Variants in NPPC observed in about 807,000 individuals in gnomAD.
The protein encoded by NPPC is natriuretic peptide C.
NPPC carries 4 observed loss-of-function variants against 10.2 expected under a neutral mutation model. The ratio of observed to expected loss-of-function variants is 0.39; its 90% confidence interval spans 0.19 to 0.90. The LOEUF is 0.90. Among genes scored for constraint, NPPC ranks in the 40% least tolerant of loss-of-function variants. The pLI is 0.37. For synonymous variants in NPPC, 83 were observed against 87.3 expected (o/e 0.95, Z 0.27); for missense variants, 182 against 173.8 (o/e 1.05, Z -0.26).
intron 2 of NPPC, among the ~76,000 whole-genome samples, chr2:231,922,723 G>A (rs1438671961): frequency 2.0e-5 from 3 of 152,232 alleles, no homozygotes; most frequent in Non-Finnish European, 4.4e-5. Flanking sequence ...GGAAGGAGAA[G>A]AGAGACATCT....
intron 1 of NPPC, 125 bp downstream of exon 1, chr2:231,926,035 C>T (rs1444553683): frequency 1.3e-6 from 1 of 794,656 alleles, no homozygotes; most frequent in African/African-American, 1.8e-5. Context: ...CGGCTCTCGC[C>T]CACGCGCATC....
Position 231,921,983 on chromosome 2 carries a change from A to G in NPPC, c.*353T>C, listed in dbSNP as rs896765084. 8 of 151,866 alleles carry G rather than the reference A, an allele frequency of 5.3e-5. No individual in the cohort carries two copies. The highest frequency in any genetic ancestry group is 2.0e-4 in the Admixed American group (3 of 15,262). 9.4% of individuals were successfully genotyped at this position (151,866 alleles called of 1,614,324 possible). Reference sequence around the variant, plus strand: ...CAACATAAATACATTTATGCATGACATGAATTTACAAACAGCAATGTTTTA... The same window carrying G: ...CAACATAAATACATTTATGCATGACGTGAATTTACAAACAGCAATGTTTTA... On this transcript the variant is annotated 3_prime_UTR_variant, in exon 3 of 3. Coordinates refer to ENST00000409852, the MANE Select transcript of NPPC (RefSeq NM_024409.4).
At chr2:231,924,881 G>A (rs1022165430) in intron 2 of NPPC, among the ~76,000 whole-genome samples, 1 of 152,210 alleles carries the variant, frequency 6.6e-6, no homozygotes, top group Non-Finnish European at 1.5e-5. Flanking sequence ...CAGGACCCTG[G>A]ACAGACCAGT....
Position 231,922,229 on chromosome 2 carries a change from A to T in NPPC, c.*107T>A, listed in dbSNP as rs1465511976. Reference sequence around the variant, plus strand: ...AAAAAAGAAAGAAAGAAAGAAATGTAAAAGCCACATTGCGTTGGAGGTGTT... The same window carrying T: ...AAAAAAGAAAGAAAGAAAGAAATGTTAAAGCCACATTGCGTTGGAGGTGTT... On this transcript the variant is annotated 3_prime_UTR_variant, in exon 3 of 3. Coordinates refer to ENST00000409852, the MANE Select transcript of NPPC (RefSeq NM_024409.4). The T allele has an allele frequency of 1.3e-5, 2 of 152,198 alleles. No individual in the cohort carries two copies. Among genetic ancestry groups the T allele is most frequent in the Non-Finnish European group, 2.9e-5 (2 of 68,036 alleles). 9.4% of individuals were successfully genotyped at this position (152,198 alleles called of 1,614,324 possible).
rs1325053237 is a variant in NPPC, at chr2:231,921,932, CTT to C, written c.*402_*403del. The C allele has an allele frequency of 6.6e-6, 1 of 150,812 alleles. No individual in the cohort carries two copies. The highest frequency in any genetic ancestry group is 1.5e-5 in the Non-Finnish European group (1 of 67,870). 9.3% of individuals were successfully genotyped at this position (150,812 alleles called of 1,614,324 possible). On this transcript the variant is annotated 3_prime_UTR_variant, in exon 3 of 3. Coordinates refer to ENST00000409852, the MANE Select transcript of NPPC (RefSeq NM_024409.4). Reference sequence around the variant, plus strand: ...ATAAATAAAATTTTTATAAATATCTCTTTATAAACAATATAAATAGCTTTACA... The same window carrying C: ...ATAAATAAAATTTTTATAAATATCTCTATAAACAATATAAATAGCTTTACA...
chr2:231,926,360 G>A lies in NPPC; in HGVS notation c.-111C>T. 7.8e-6 allele frequency: 5 copies of A among 642,004 alleles called. No individual in the cohort carries two copies. Among genetic ancestry groups the A allele is most frequent in the Non-Finnish European group, 8.9e-6 (4 of 447,904 alleles). The allele number at this position is 642,004 out of a possible 1,614,324, so 39.8% of individuals were successfully genotyped here. A position where few individuals can be genotyped will look rare whatever the true frequency, so the allele number is the denominator to read the frequency against. On this transcript the variant is annotated 5_prime_UTR_variant, in exon 1 of 3. Transcript: ENST00000409852. ...GCTGGCTGGGCTGCAGGGCGAGCAG[G>A]GTCCCAGTGCTGCGCGGCGCCGGCT...
chr2:231,925,343 C>T (rs5268), intron 2 of NPPC, 62 bp downstream of exon 2: 817,029 of 1,357,522 alleles, frequency 0.6, 252,140 homozygotes, highest in Non-Finnish European at 0.63. Flanking sequence ...CTCCGAAGGC[C>T]GGCTGGGCGG....
intron 2 of NPPC, among the ~76,000 whole-genome samples, chr2:231,924,556 C>T (rs1276277484): frequency 1.3e-5 from 2 of 152,160 alleles, no homozygotes; most frequent in Non-Finnish European, 2.9e-5. Context: ...TCAGTGGGCA[C>T]GGGCAGGCGG....
At chr2:231,923,940 A>G (rs368452415) in intron 2 of NPPC, among the ~76,000 whole-genome samples, 1 of 152,260 alleles carries the variant, frequency 6.6e-6, no homozygotes, top group East Asian at 1.9e-4. Context: ...TGTTGTTTAG[A>G]CAGGAGAGAA....
At chr2:231,922,356 C>T (rs2106192272) in intron 2 of NPPC, 41 bp from the exon 3 acceptor site, 1 of 152,350 alleles carries the variant, frequency 6.6e-6, no homozygotes, top group East Asian at 1.9e-4. Flanking sequence ...GTTCTGGCCC[C>T]TTAGCTGAGA....
At chr2:231,924,806 T>G (rs1020495502) in intron 2 of NPPC, among the ~76,000 whole-genome samples, 13 of 152,184 alleles carry the variant, frequency 8.5e-5, no homozygotes, top group Admixed American at 6.5e-4. Context: ...GTGTCTTTCC[T>G]ATTCCCTGAA....
intron 2 of NPPC, among the ~76,000 whole-genome samples, chr2:231,924,295 T>C (rs1691969290): frequency 6.6e-6 from 1 of 152,158 alleles, no homozygotes; most frequent in South Asian, 2.1e-4. Context: ...TCACAAACTG[T>C]GAAAAAGTGT....
At chr2:231,924,673 C>G (rs1691974580) in intron 2 of NPPC, among the ~76,000 whole-genome samples, 1 of 152,182 alleles carries the variant, frequency 6.6e-6, no homozygotes, top group Non-Finnish European at 1.5e-5. Context: ...GTTTCCAGCC[C>G]TAGTGCGGGG....
At position 231,925,667 on chromosome 2, in the gene NPPC, C is replaced by T. The variant is rs1044825519; in HGVS notation, c.139G>A (p.Gly47Ser). 2.5e-6 allele frequency: 4 copies of T among 1,599,970 alleles called. No homozygotes were observed. The African/African-American group carries it at 5.4e-5, about 21-fold the overall frequency. ...AEELAEPQAA[G>S]GGQKKGDKAP... ...TTGTCGCCCTTCTTCTGACCGCCGC[C>T]CGCAGCCTGCGGCTCGGCCAGCTCC... is the stretch of plus-strand genomic sequence containing the variant. Residue 47 changes from glycine to serine, a missense_variant, in exon 2 of 3, where the codon GGC (glycine) becomes AGC (serine). Transcript: ENST00000409852.
Position 231,926,204 on chromosome 2 carries a change from G to T in NPPC, c.46C>A (p.Leu16Ile), listed in dbSNP as rs1692006553. ...LLACALLLTL[L>I]SLRPSEAKPG... is the part of the protein sequence containing the mutation. ...TTGGCTTCGGAGGGCCGGAGGGAGA[G>T]CAGCGTGAGCAGCAGGGCGCAGGCC... The change falls in exon 1 of 3, where the codon CTC becomes ATC. Residue 16 changes from leucine (L) to isoleucine (I), a missense_variant. Leu to Ile is a conservative substitution (Grantham distance 5, BLOSUM62 2). Coordinates refer to ENST00000409852, the MANE Select transcript of NPPC (RefSeq NM_024409.4). 2 of 1,330,782 alleles carry T rather than the reference G, an allele frequency of 1.5e-6. No individual in the cohort carries two copies. The highest frequency in any genetic ancestry group is 7.1e-5 in the Admixed American group (2 of 28,290). The allele number at this position is 1,330,782 out of a possible 1,614,324, so 82.4% of individuals were successfully genotyped here.
At chr2:231,925,894 C>T (rs572508782) in intron 1 of NPPC, among the ~76,000 whole-genome samples, 179 bp from the exon 2 acceptor site, 1 of 152,204 alleles carries the variant, frequency 6.6e-6, no homozygotes. Context: ...TTCGCCGCTC[C>T]CTCCGGAAGC....
intron 1 of NPPC, 85 bp downstream of exon 1, chr2:231,926,075 T>C: frequency 1.9e-6 from 2 of 1,057,210 alleles, no homozygotes; most frequent in Non-Finnish European, 2.5e-6. Flanking sequence ...GCCTTCCCTC[T>C]CTCCTGGGTC....
At position 231,922,206 on chromosome 2, in the gene NPPC, A is replaced by AG. The variant is rs1691938396; in HGVS notation, c.*129_*130insC. ...TGTGTATTCCCAGTACCAGGAAAAA[A>AG]AAAGAAAGAAAGAAAGAAATGTAAA... On this transcript the variant is annotated 3_prime_UTR_variant, in exon 3 of 3. Transcript: ENST00000409852. 1 of 152,166 alleles carries AG rather than the reference A, an allele frequency of 6.6e-6. No homozygotes were observed. Among genetic ancestry groups the AG allele is most frequent in the African/African-American group, 2.4e-5 (1 of 41,440 alleles). 9.4% of individuals were successfully genotyped at this position (152,166 alleles called of 1,614,324 possible). A position where few individuals can be genotyped will look rare whatever the true frequency, so the allele number is the denominator to read the frequency against.
chr2:231,925,475 A>G lies in NPPC; in HGVS notation c.331T>C (p.Phe111Leu). 4 of 1,612,566 alleles carry G rather than the reference A, an allele frequency of 2.5e-6. No homozygotes were observed. Among genetic ancestry groups the G allele is most frequent in the Non-Finnish European group, 2.5e-6 (3 of 1,179,490 alleles). Residue 111 changes from phenylalanine to leucine, a missense_variant, in exon 2 of 3, where the codon TTC becomes CTC. By Grantham distance (22) the Phe-to-Leu change is conservative. Transcript: ENST00000409852. Reference sequence around the variant, plus strand: ...CCGATTCGGTCCAGCTTGAGGCCGAAGCAGCCCTTGGACAAGCCCTTCTTG... The same window carrying G: ...CCGATTCGGTCCAGCTTGAGGCCGAGGCAGCCCTTGGACAAGCCCTTCTTG... ...ANKKGLSKGC[F>L]GLKLDRIGSM...
Sources: allele counts gnomAD v4.1 joint callset (sites outside exome capture counted in the v4.1 genomes callset), GRCh38; gene constraint gnomAD v4.1.1; transcripts MANE v1.5; gene names NCBI Gene and HGNC (gene_info 2026-07-23, HGNC 2026-07-21).